The following EPHA4 variants were observed in gnomAD, a reference collection of about 807,000 sequenced individuals.
EPHA4 encodes ephrin type-A receptor 4.
EPHA4 carries 19 observed loss-of-function variants against 108.3 expected under a neutral mutation model. The observed-to-expected ratio is 0.18, with a 90% CI of 0.12 to 0.26. EPHA4 has a LOEUF of 0.26. EPHA4 is among the 10% of genes least tolerant of loss of function. The pLI is 1.00. For missense variants in EPHA4, 917 were observed against 1,254.0 expected (o/e 0.73, Z 4.06); for synonymous variants, 449 against 455.5 (o/e 0.99, Z 0.18).
At chr2:221,427,394 A>C (rs1393594341) in intron 15 of EPHA4, among the ~76,000 whole-genome samples, 6 of 152,190 alleles carry the variant, frequency 3.9e-5, no homozygotes, top group Admixed American at 2.6e-4. Context: ...GGTCACTGTC[A>C]CAAGCAATTA....
intron 3 of EPHA4, among the ~76,000 whole-genome samples, chr2:221,537,532 A>G (rs1401477210): frequency 6.6e-6 from 1 of 152,254 alleles, no homozygotes; most frequent in African/African-American, 2.4e-5. Flanking sequence ...CACATCTGTA[A>G]TGCAAGTACT....
At chr2:221,459,553 A>G (rs909932993) in intron 5 of EPHA4, among the ~76,000 whole-genome samples, 1 of 151,520 alleles carries the variant, frequency 6.6e-6, no homozygotes, top group African/African-American at 2.4e-5. Flanking sequence ...TTCTCCCAAC[A>G]CACACACAGG....
At chr2:221,568,023 A>C (rs1694722879) in intron 2 of EPHA4, among the ~76,000 whole-genome samples, 1 of 152,222 alleles carries the variant, frequency 6.6e-6, no homozygotes, top group Admixed American at 6.5e-5. Flanking sequence ...TGACCTAGTA[A>C]GATGGAGGCA....
At chr2:221,433,953 C>T (rs1310471750) in intron 14 of EPHA4, among the ~76,000 whole-genome samples, 189 bp downstream of exon 14, 1 of 152,100 alleles carries the variant, frequency 6.6e-6, no homozygotes, top group African/African-American at 2.4e-5. Flanking sequence ...CCATGTAGGC[C>T]ATTTAATTCT....
At chr2:221,489,137 G>A (rs1313764229) in intron 4 of EPHA4, among the ~76,000 whole-genome samples, 1 of 152,248 alleles carries the variant, frequency 6.6e-6, no homozygotes, top group African/African-American at 2.4e-5. Flanking sequence ...GAAAGTCCAG[G>A]TACCCTATGT....
chr2:221,470,128 A>G (rs77739344), intron 5 of EPHA4, among the ~76,000 whole-genome samples: 3,711 of 152,264 alleles, frequency 0.024, 141 homozygotes, highest in African/African-American at 0.085. Context: ...TAGGCTACCA[A>G]TGATTCCTGA....
At chr2:221,555,161 C>T (rs1694269175) in intron 3 of EPHA4, among the ~76,000 whole-genome samples, 1 of 152,130 alleles carries the variant, frequency 6.6e-6, no homozygotes, top group South Asian at 2.1e-4. Flanking sequence ...GACAACCAGC[C>T]ACACTGGGGG....
intron 1 of EPHA4, among the ~76,000 whole-genome samples, chr2:221,570,505 C>T (rs1694799358): frequency 6.6e-6 from 1 of 152,070 alleles, no homozygotes; most frequent in Non-Finnish European, 1.5e-5. Context: ...GAGATGGCAC[C>T]AGAACCACCA....
At chr2:221,475,197 T>C (rs1691618936) in intron 5 of EPHA4, among the ~76,000 whole-genome samples, 1 of 152,138 alleles carries the variant, frequency 6.6e-6, no homozygotes, top group African/African-American at 2.4e-5. Context: ...AAAAGAAAAT[T>C]GCTGTCAGCA....
At chr2:221,501,271 T>G in intron 3 of EPHA4, 99 bp from the exon 4 acceptor site, 4 of 1,087,600 alleles carry the variant, frequency 3.7e-6, no homozygotes, top group Non-Finnish European at 5.1e-6. Context: ...AAGGGAGACG[T>G]TCTTGCTAAT....
chr2:221,450,395 C>T (rs543162832), intron 8 of EPHA4, among the ~76,000 whole-genome samples: 2 of 152,346 alleles, frequency 1.3e-5, no homozygotes, highest in African/African-American at 4.8e-5. Flanking sequence ...TATTGTGCAA[C>T]AGATTTGCAT....
chr2:221,572,413 C>T (rs1224825911), upstream of EPHA4: 3 of 436,180 alleles, frequency 6.9e-6, no homozygotes, highest in East Asian at 7.0e-5. Context: ...GACAGGGCGG[C>T]CGAGCCCCGC....
At chr2:221,457,829 G>T in intron 6 of EPHA4, 37 bp downstream of exon 6, 1 of 1,571,582 alleles carries the variant, frequency 6.4e-7, no homozygotes, top group Non-Finnish European at 8.7e-7. Flanking sequence ...AGGAAGGAAG[G>T]AAGAAAGGAA....
intron 8 of EPHA4, among the ~76,000 whole-genome samples, chr2:221,447,747 T>C (rs561089269): frequency 1.3e-4 from 20 of 152,348 alleles, no homozygotes; most frequent in Admixed American, 1.1e-3. Context: ...TACAGCTAAC[T>C]GTGAAGTACA....
intron 3 of EPHA4, among the ~76,000 whole-genome samples, chr2:221,540,952 TGAG>T (rs1693823079): frequency 7.0e-6 from 1 of 142,498 alleles, no homozygotes; most frequent in Admixed American, 6.9e-5. Context: ...TTTTTTTTTT[TGAG>T]GGTATGGCGG....
intron 14 of EPHA4, among the ~76,000 whole-genome samples, chr2:221,430,454 GCCCTGCC>G (rs1056370241): frequency 2.0e-5 from 3 of 152,110 alleles, no homozygotes; most frequent in African/African-American, 4.8e-5. Flanking sequence ...AGATCATGTG[GCCCTGCC>G]CCCTGCCCCC....
At chr2:221,537,122 G>A (rs991007077) in intron 3 of EPHA4, among the ~76,000 whole-genome samples, 17 of 152,202 alleles carry the variant, frequency 1.1e-4, no homozygotes, top group African/African-American at 4.1e-4. Flanking sequence ...ACAACTGTGT[G>A]TCAGGCTCAG....
chr2:221,458,103 T>C, intron 5 of EPHA4, 113 bp from the exon 6 acceptor site: 1 of 1,355,076 alleles, frequency 7.4e-7, no homozygotes, highest in Admixed American at 2.2e-5. Flanking sequence ...GATTGTCTTG[T>C]CTCCCCCTTG....
chr2:221,524,437 G>C (rs1213769279), intron 3 of EPHA4, among the ~76,000 whole-genome samples: 2 of 152,202 alleles, frequency 1.3e-5, no homozygotes, highest in Non-Finnish European at 2.9e-5. Context: ...ATGAGAATGA[G>C]AATGAGGATG....
Sources: gnomAD v4.1 joint callset for allele counts (sites outside exome capture counted in the v4.1 genomes callset) on GRCh38, gnomAD v4.1.1 for gene constraint, MANE v1.5 for transcripts, NCBI Gene and HGNC (gene_info 2026-07-23, HGNC 2026-07-21) for gene names.